The following LRRC28 variants were observed in gnomAD, a reference collection of about 807,000 sequenced individuals.
The protein encoded by LRRC28 is leucine-rich repeat-containing protein 28.
In LRRC28, 39 loss-of-function variants were observed where a neutral mutation model predicts 45.7. The observed-to-expected ratio is 0.85, with a 90% CI of 0.66 to 1.12. LRRC28 has a LOEUF of 1.12. LRRC28 is among the 50% of genes most tolerant of loss of function. The pLI is 0.00. For missense variants in LRRC28, 435 were observed against 438.5 expected, an observed-to-expected ratio of 0.99 and a Z score of 0.07; for synonymous variants, 206 against 178.8, an observed-to-expected ratio of 1.15 and a Z score of -1.22.
intron 2 of LRRC28, among the ~76,000 whole-genome samples, chr15:99,265,734 A>T (rs568687307): frequency 1.3e-5 from 2 of 152,338 alleles, no homozygotes; most frequent in African/African-American, 4.8e-5. Flanking sequence ...AAAACTCAGG[A>T]CTGAGAGGTA....
intron 5 of LRRC28, among the ~76,000 whole-genome samples, chr15:99,311,080 C>A (rs115547993): frequency 2.0e-5 from 3 of 152,262 alleles, no homozygotes; most frequent in Non-Finnish European, 2.9e-5. Flanking sequence ...ATTTCACTAC[C>A]CTTTTTGGTT....
intron 6 of LRRC28, among the ~76,000 whole-genome samples, chr15:99,343,846 T>C (rs1295513656): frequency 6.6e-6 from 1 of 152,214 alleles, no homozygotes; most frequent in Non-Finnish European, 1.5e-5. Flanking sequence ...AGCCTTTTCA[T>C]GAAGTACACG....
chr15:99,333,398 T>G (rs1956218709), intron 5 of LRRC28, among the ~76,000 whole-genome samples: 1 of 152,238 alleles, frequency 6.6e-6, no homozygotes, highest in South Asian at 2.1e-4. Context: ...CTCATTTTAT[T>G]GTTACAATCT....
chr15:99,258,455 T>A (rs2081092500), intron 2 of LRRC28: 1 of 837,006 alleles, frequency 1.2e-6, no homozygotes, highest in South Asian at 1.4e-5. Flanking sequence ...AACTTTCCTA[T>A]TTATGTATGG....
chr15:99,325,742 A>G (rs1955953012), intron 5 of LRRC28, among the ~76,000 whole-genome samples: 1 of 152,144 alleles, frequency 6.6e-6, no homozygotes, highest in Non-Finnish European at 1.5e-5. Flanking sequence ...CCAACCTTAC[A>G]TTTCTAGCAT....
Position 99,287,892 on chromosome 15 carries a change from G to T in LRRC28, c.326G>T (p.Arg109Leu). 6.2e-7 allele frequency: 1 copy of T among 1,613,758 alleles called. No homozygotes were observed. The highest frequency in any genetic ancestry group is 8.5e-7 in the Non-Finnish European group (1 of 1,179,830). The change falls in exon 5 of 10, where the codon CGT (arginine) becomes CTT (leucine). Residue 109 changes from arginine to leucine, a missense_variant. Coordinates refer to ENST00000301981, the MANE Select transcript of LRRC28 (RefSeq NM_144598.5). ...GAAATTGTTTGCCCAGAAATTGGTC[G>T]TCTGAGAGCTTTACGTCATCTTCGA... ...ALEIVCPEIG[R>L]LRALRHLRLA...
In LRRC28 at chr15:99,334,056, G is replaced by A. The variant is rs745500446; in HGVS notation, c.519G>A (p.Pro173=). Residue 173 remains proline, a synonymous_variant, in exon 6 of 10, where the codon CCG becomes CCA. Coordinates refer to ENST00000301981, the MANE Select transcript of LRRC28 (RefSeq NM_144598.5). ...ACCGAAATCGTCTATGGTATGTGCC[G>A]CGCCATCTCTGCCAGCTGCCCAGCC... is the stretch of plus-strand genomic sequence containing the variant. ...TVDRNRLWYV[P]RHLCQLPSLN... 7 of 1,614,066 alleles carry A rather than the reference G, an allele frequency of 4.3e-6. No individual in the cohort carries two copies. The highest frequency in any genetic ancestry group is 3.3e-5 in the Admixed American group (2 of 60,006).
At chr15:99,324,085 A>G (rs1490039460) in intron 5 of LRRC28, among the ~76,000 whole-genome samples, 1 of 152,196 alleles carries the variant, frequency 6.6e-6, no homozygotes, top group Admixed American at 6.5e-5. Flanking sequence ...GTATGTTCCA[A>G]GACCCCCCGT....
intron 1 of LRRC28, chr15:99,252,079 T>G (rs2080825158): frequency 6.6e-6 from 1 of 152,196 alleles, no homozygotes; most frequent in African/African-American, 2.4e-5. Context: ...TTTTTAATAA[T>G]AAGATAGATT....
intron 9 of LRRC28, among the ~76,000 whole-genome samples, chr15:99,364,439 T>C (rs1957288704): frequency 6.6e-6 from 1 of 152,266 alleles, no homozygotes; most frequent in Admixed American, 6.5e-5. Context: ...GTATTTTTAA[T>C]GTTTCCTGCT....
chr15:99,274,865 A>T (rs1236071455), intron 2 of LRRC28, among the ~76,000 whole-genome samples: 1 of 152,070 alleles, frequency 6.6e-6, no homozygotes. Context: ...GCTATACAGA[A>T]CTACTCTCCT....
intron 2 of LRRC28, chr15:99,258,032 T>G: frequency 8.7e-7 from 1 of 1,148,296 alleles, no homozygotes; most frequent in Non-Finnish European, 1.3e-6. Flanking sequence ...CAAAATTAAG[T>G]GTGATAAGGT....
intron 9 of LRRC28, among the ~76,000 whole-genome samples, chr15:99,369,511 G>A (rs958121267): frequency 7.2e-5 from 11 of 152,084 alleles, no homozygotes; most frequent in African/African-American, 1.9e-4. Context: ...TGAATTCTGC[G>A]GGGCACCAGG....
chr15:99,351,925 A>G (rs999277559), intron 6 of LRRC28, among the ~76,000 whole-genome samples: 4 of 152,226 alleles, frequency 2.6e-5, no homozygotes, highest in Admixed American at 2.0e-4. Context: ...CAGAGGCAAC[A>G]TCAGGAATAA....
At chr15:99,268,985 C>G (rs1295345900) in intron 2 of LRRC28, among the ~76,000 whole-genome samples, 1 of 152,088 alleles carries the variant, frequency 6.6e-6, no homozygotes. Context: ...TTTTTAATGC[C>G]TGTTTTTTCT....
chr15:99,276,085 T>C (rs754962034), intron 2 of LRRC28, among the ~76,000 whole-genome samples: 18 of 151,978 alleles, frequency 1.2e-4, no homozygotes, highest in African/African-American at 4.1e-4. Context: ...GCACTTGTTA[T>C]GAGAATCTAG....
intron 6 of LRRC28, among the ~76,000 whole-genome samples, chr15:99,340,202 C>T (rs1285735935): frequency 6.6e-6 from 1 of 152,170 alleles, no homozygotes; most frequent in Non-Finnish European, 1.5e-5. Flanking sequence ...TGGTAGTACA[C>T]TTGTATTTGT....
At chr15:99,285,703 C>A (rs1597237598) in intron 3 of LRRC28, 2 of 569,522 alleles carry the variant, frequency 3.5e-6, no homozygotes, top group East Asian at 6.5e-5. Flanking sequence ...TTGAAAAATT[C>A]TAATCATAAT....
At chr15:99,303,456 A>G (rs1357781477) in intron 5 of LRRC28, among the ~76,000 whole-genome samples, 2 of 152,214 alleles carry the variant, frequency 1.3e-5, no homozygotes, top group Non-Finnish European at 2.9e-5. Flanking sequence ...CAAAGCTTTT[A>G]TTTAACTTAT....
Sources: gnomAD v4.1 joint callset for allele counts (sites outside exome capture counted in the v4.1 genomes callset) on GRCh38, gnomAD v4.1.1 for gene constraint, MANE v1.5 for transcripts, NCBI Gene and HGNC (gene_info 2026-07-23, HGNC 2026-07-21) for gene names.